Variants in SUPT3H observed in about 807,000 individuals in gnomAD.
The protein encoded by SUPT3H is SPT3 homolog, SAGA and STAGA complex component, also known as transcription initiation protein SPT3 homolog.
A neutral mutation model predicts 44.3 loss-of-function variants in SUPT3H; 44 were observed. That is an observed-to-expected ratio of 0.99 (90% CI 0.78 to 1.28). The LOEUF is 1.28. Among genes scored for constraint, SUPT3H ranks in the 50% most tolerant of loss-of-function variants. The pLI is 0.00. For missense variants in SUPT3H, 380 were observed against 387.1 expected (o/e 0.98, Z 0.15); for synonymous variants, 124 against 125.6 (o/e 0.99, Z 0.09).
chr6:45,163,801 A>T (rs1174316278), intron 2 of SUPT3H, among the ~76,000 whole-genome samples: 2 of 147,790 alleles, frequency 1.4e-5, no homozygotes, highest in Non-Finnish European at 3.0e-5. Flanking sequence ...CACTTTTATA[A>T]AAAAAAAAAA....
chr6:44,914,107 T>C (rs528769396), intron 10 of SUPT3H, among the ~76,000 whole-genome samples: 12 of 152,334 alleles, frequency 7.9e-5, no homozygotes, highest in Admixed American at 1.3e-4. Flanking sequence ...AAAAAATTGC[T>C]GTCAGGAACA....
chr6:45,293,295 T>C (rs1291978649), intron 2 of SUPT3H, among the ~76,000 whole-genome samples: 1 of 151,964 alleles, frequency 6.6e-6, no homozygotes, highest in Non-Finnish European at 1.5e-5. Context: ...TGAATGACAA[T>C]AGTGACACAA....
chr6:45,042,077 AT>A (rs1451425339), intron 3 of SUPT3H, among the ~76,000 whole-genome samples: 1 of 152,202 alleles, frequency 6.6e-6, no homozygotes, highest in Non-Finnish European at 1.5e-5. Flanking sequence ...AAAAACTTGA[AT>A]TTAATATTAT....
At chr6:44,997,838 A>T (rs1233102801) in intron 6 of SUPT3H, among the ~76,000 whole-genome samples, 1 of 151,860 alleles carries the variant, frequency 6.6e-6, no homozygotes, top group Non-Finnish European at 1.5e-5. Context: ...AGATTTTCTA[A>T]AAAGTCTAGG....
downstream of SUPT3H, among the ~76,000 whole-genome samples, chr6:44,822,035 CA>C (rs1408229335): frequency 3.3e-5 from 5 of 152,120 alleles, no homozygotes; most frequent in Non-Finnish European, 5.9e-5. Context: ...TTTATAATTA[CA>C]ATGGGACTTA....
At chr6:45,072,606 T>C (rs1304896682) in intron 3 of SUPT3H, among the ~76,000 whole-genome samples, 3 of 151,616 alleles carry the variant, frequency 2.0e-5, no homozygotes, top group Non-Finnish European at 4.4e-5. Flanking sequence ...TAGATTATCA[T>C]TATAGATCAT....
In SUPT3H at chr6:45,261,788, C is replaced by T. The variant is rs573738983; in HGVS notation, c.101+103413G>A. Among the ~76,000 whole-genome samples, 141 of 152,034 alleles carry T rather than the reference C, an allele frequency of 9.3e-4. 1 individual carries two copies. Among genetic ancestry groups the T allele is most frequent in the Non-Finnish European group, 1.7e-3 (117 of 67,898 alleles). On this transcript the variant is annotated intron_variant, in intron 2 of 10. Coordinates refer to ENST00000371459, the MANE Select transcript of SUPT3H (RefSeq NM_003599.4). ...TCAAATAAAAACAAAGGAAGTCAAC[C>T]TATCTCTCTTCAAAAATGATATCAC...
chr6:44,942,647 C>G (rs1638958134), intron 9 of SUPT3H, among the ~76,000 whole-genome samples: 1 of 152,154 alleles, frequency 6.6e-6, no homozygotes, highest in Admixed American at 6.6e-5. Context: ...CCGGGCTAGT[C>G]TGAAACTCCT....
chr6:45,122,382 A>G (rs1801805906), intron 2 of SUPT3H, among the ~76,000 whole-genome samples: 1 of 152,200 alleles, frequency 6.6e-6, no homozygotes, highest in South Asian at 2.1e-4. Flanking sequence ...AAACCCTAAT[A>G]AAACCCTAAT....
chr6:45,016,715 T>C (rs1562267050), intron 4 of SUPT3H, among the ~76,000 whole-genome samples: 1 of 152,130 alleles, frequency 6.6e-6, no homozygotes, highest in East Asian at 1.9e-4. Context: ...CGTGTATATG[T>C]GCCACATTTT....
chr6:45,207,319 T>C (rs1433215560), intron 2 of SUPT3H, among the ~76,000 whole-genome samples: 1 of 152,136 alleles, frequency 6.6e-6, no homozygotes, highest in Non-Finnish European at 1.5e-5. Context: ...TTTAGCAATA[T>C]AAAGGTCAGT....
intron 6 of SUPT3H, among the ~76,000 whole-genome samples, chr6:44,985,823 C>T (rs1413661306): frequency 6.6e-6 from 1 of 152,118 alleles, no homozygotes; most frequent in Non-Finnish European, 1.5e-5. Context: ...CTACTCTTTG[C>T]CAAACAAAAT....
intron 10 of SUPT3H, among the ~76,000 whole-genome samples, chr6:44,888,901 AAGCG>A (rs1224156409): frequency 5.0e-5 from 6 of 120,998 alleles, no homozygotes; most frequent in African/African-American, 1.9e-4. Flanking sequence ...TTAAGCTGAT[AAGCG>A]ACTTCAGCAA....
chr6:45,125,340 C>T (rs1802275695), intron 2 of SUPT3H, among the ~76,000 whole-genome samples: 1 of 152,080 alleles, frequency 6.6e-6, no homozygotes, highest in African/African-American at 2.4e-5. Context: ...ATTAAATTGA[C>T]TTTCTATGCA....
At chr6:44,849,389 G>A (rs1302999848) in intron 10 of SUPT3H, among the ~76,000 whole-genome samples, 1 of 151,056 alleles carries the variant, frequency 6.6e-6, no homozygotes, top group Non-Finnish European at 1.5e-5. Context: ...ACTACGCCCG[G>A]CTAATTTTTT....
chr6:45,174,924 TC>T (rs1162828721), intron 2 of SUPT3H, among the ~76,000 whole-genome samples: 1 of 143,352 alleles, frequency 7.0e-6, no homozygotes, highest in Admixed American at 7.3e-5. Context: ...ACGCCTGGAG[TC>T]CCAGCTACTC....
chr6:45,325,118 C>A (rs952208685), intron 2 of SUPT3H, among the ~76,000 whole-genome samples: 1 of 151,728 alleles, frequency 6.6e-6, no homozygotes, highest in South Asian at 2.1e-4. Context: ...AAACTTCCTT[C>A]GTAAAACCTC....
intron 9 of SUPT3H, among the ~76,000 whole-genome samples, chr6:44,936,915 C>G (rs1771529207): frequency 6.6e-6 from 1 of 152,042 alleles, no homozygotes; most frequent in African/African-American, 2.4e-5. Context: ...GATCCACCTG[C>G]CTCGGCCTCC....
At chr6:44,831,920 A>G (rs1402599) in intron 10 of SUPT3H, among the ~76,000 whole-genome samples, 102,676 of 152,030 alleles carry the variant, frequency 0.68, 35,044 homozygotes, top group East Asian at 0.73. Flanking sequence ...AACTTATTTA[A>G]TAACACAGAT....
Sources: gnomAD v4.1 joint callset for allele counts (sites outside exome capture counted in the v4.1 genomes callset) on GRCh38, gnomAD v4.1.1 for gene constraint, MANE v1.5 for transcripts, NCBI Gene and HGNC (gene_info 2026-07-23, HGNC 2026-07-21) for gene names.